The following FETUB variants were observed in gnomAD, a reference collection of about 807,000 sequenced individuals.
FETUB encodes fetuin B.
A neutral mutation model predicts 30.9 loss-of-function variants in FETUB; 28 were observed. That is an observed-to-expected ratio of 0.90 (90% CI 0.67 to 1.24). The LOEUF is 1.24. FETUB is among the 50% of genes most tolerant of loss of function. The probability of loss-of-function intolerance (pLI) is 0.00; values close to 1 mark genes in which losing one functional copy is unlikely to be tolerated. For synonymous variants in FETUB, 186 were observed against 175.9 expected (o/e 1.06, Z -0.45); for missense variants, 469 against 455.3 (o/e 1.03, Z -0.27).
rs1222293492 is a variant in FETUB, at chr3:186,642,561, A to G, written c.424+3A>G. The G allele has an allele frequency of 6.5e-7, 1 of 1,550,218 alleles. No individual in the cohort carries two copies. The highest frequency in any genetic ancestry group is 1.7e-5 in the Admixed American group (1 of 59,206). ...TTATAACTGTACTCTTCGCCCAGGTAAGAAATCACTACGATTTTGTTAGTT... is the reference window on the plus strand; with the variant it reads ...TTATAACTGTACTCTTCGCCCAGGTGAGAAATCACTACGATTTTGTTAGTT... On this transcript the variant is annotated splice_donor_region_variant and intron_variant, in intron 3 of 6. Transcript: ENST00000265029.
chr3:186,651,022 TATTGGAGGCA>T (rs1247109580), intron 5 of FETUB, among the ~76,000 whole-genome samples, 186 bp from the exon 6 acceptor site: 1 of 152,202 alleles, frequency 6.6e-6, no homozygotes, highest in African/African-American at 2.4e-5. Flanking sequence ...AGTTTCTCAT[TATTGGAGGCA>T]ATTTAGCCTA....
At position 186,652,747 on chromosome 3, in the gene FETUB, T is replaced by C. The variant is rs1216630540; in HGVS notation, c.*116T>C. On this transcript the variant is annotated 3_prime_UTR_variant, in exon 7 of 7. Coordinates refer to ENST00000265029, the MANE Select transcript of FETUB (RefSeq NM_014375.3). ...AGAGTGGCTAGTGAAGGACGCCTTTTTGACTCTTCTTGGTCTCAGCATGTT... is the reference window on the plus strand; with the variant it reads ...AGAGTGGCTAGTGAAGGACGCCTTTCTGACTCTTCTTGGTCTCAGCATGTT... 1.6e-6 allele frequency: 2 copies of C among 1,236,070 alleles called. No individual in the cohort carries two copies. The allele number at this position is 1,236,070 out of a possible 1,614,324, so 76.6% of individuals were successfully genotyped here. A position where few individuals can be genotyped will look rare whatever the true frequency, so the allele number is the denominator to read the frequency against.
chr3:186,645,797 G>A (rs888591938), intron 4 of FETUB, among the ~76,000 whole-genome samples: 1 of 142,026 alleles, frequency 7.0e-6, no homozygotes, highest in Admixed American at 7.6e-5. Flanking sequence ...CGCGATCTTG[G>A]CTCACTGCAA....
chr3:186,644,070 G>A (rs915851131), intron 3 of FETUB, among the ~76,000 whole-genome samples: 3 of 151,956 alleles, frequency 2.0e-5, no homozygotes, highest in South Asian at 2.1e-4. Flanking sequence ...TATTGTGATC[G>A]GATTAGGTTA....
chr3:186,643,680 G>T, intron 3 of FETUB, among the ~76,000 whole-genome samples: 1 of 152,214 alleles, frequency 6.6e-6, no homozygotes, highest in East Asian at 1.9e-4. Flanking sequence ...GCTATGGGAG[G>T]TCAGGAAGTG....
intron 5 of FETUB, among the ~76,000 whole-genome samples, chr3:186,647,407 C>G (rs979912593): frequency 2.0e-5 from 3 of 152,148 alleles, no homozygotes; most frequent in Admixed American, 1.3e-4. Flanking sequence ...AACCCTTTCA[C>G]TGCTATACTG....
chr3:186,641,374 C>T lies in FETUB; in HGVS notation c.336+234C>T, dbSNP rs2108516231. 9.4e-6 allele frequency: 4 copies of T among 424,798 alleles called. No homozygotes were observed. The South Asian group carries it at 1.3e-4, about 13-fold the overall frequency. The allele number at this position is 424,798 out of a possible 1,614,324, so 26.3% of individuals were successfully genotyped here. A position where few individuals can be genotyped will look rare whatever the true frequency, so the allele number is the denominator to read the frequency against. On this transcript the variant is annotated intron_variant, in intron 2 of 6. Coordinates refer to ENST00000265029, the MANE Select transcript of FETUB (RefSeq NM_014375.3). Reference sequence around the variant, plus strand: ...CATGCAGAACAGAATGGAAAAGTTGCCCCAAGTTGTGTTTTTACCTCCAAG... The same window carrying T: ...CATGCAGAACAGAATGGAAAAGTTGTCCCAAGTTGTGTTTTTACCTCCAAG...
At chr3:186,646,370 T>C in intron 5 of FETUB, 21 bp downstream of exon 5, 1 of 1,543,596 alleles carries the variant, frequency 6.5e-7, no homozygotes, top group Non-Finnish European at 9.0e-7. Context: ...CTGAATGTCT[T>C]CATAATTTGA....
At chr3:186,646,444 T>C in intron 5 of FETUB, 95 bp downstream of exon 5, 2 of 907,442 alleles carry the variant, frequency 2.2e-6, no homozygotes, top group East Asian at 2.4e-5. Flanking sequence ...TCATAAGGCA[T>C]GAGATGCTTT....
In FETUB at chr3:186,652,610, C is replaced by T. The variant is rs1718157239; in HGVS notation, c.1128C>T (p.Ser376=). ...GCCCAGGGCCAGCCCAGAATGCCAG[C>T]CCTCTTGTCCTTCCGCCATGAGAAT... The part of the protein sequence containing the change: ...AECPGPAQNA[S]PLVLPP Residue 376 remains serine, a synonymous_variant, in exon 7 of 7, where the codon AGC becomes AGT. Coordinates refer to ENST00000265029, the MANE Select transcript of FETUB (RefSeq NM_014375.3). 2 of 1,607,206 alleles carry T rather than the reference C, an allele frequency of 1.2e-6. No individual in the cohort carries two copies. The highest frequency in any genetic ancestry group is 1.7e-6 in the Non-Finnish European group (2 of 1,177,696).
At chr3:186,637,367 G>A (rs575402229), upstream of FETUB, among the ~76,000 whole-genome samples, 102 of 152,268 alleles carry the variant, frequency 6.7e-4, no homozygotes, top group African/African-American at 2.0e-3. Flanking sequence ...CATGGCTGCC[G>A]TCCAGTTTTG....
At chr3:186,646,115 G>A (rs756762828) in intron 4 of FETUB, 133 bp from the exon 5 acceptor site, 130 of 645,286 alleles carry the variant, frequency 2.0e-4, no homozygotes, top group Middle Eastern at 1.3e-3. Context: ...GGGGATTTGC[G>A]GAACAACAGA....
chr3:186,649,845 A>G (rs932876939), intron 5 of FETUB, among the ~76,000 whole-genome samples: 3 of 152,124 alleles, frequency 2.0e-5, no homozygotes, highest in Non-Finnish European at 4.4e-5. Context: ...CTTTGTGTCC[A>G]TGTATACCCT....
chr3:186,640,265 G>C (rs986302459), upstream of FETUB: 10 of 601,238 alleles, frequency 1.7e-5, no homozygotes, highest in Non-Finnish European at 3.0e-5. Context: ...GTTGCTCAAG[G>C]GTCTAAGGTT....
intron 3 of FETUB, among the ~76,000 whole-genome samples, chr3:186,644,415 C>T (rs1362115346): frequency 1.3e-5 from 2 of 152,140 alleles, no homozygotes; most frequent in Non-Finnish European, 2.9e-5. Context: ...AATGAAATCC[C>T]AATCTCTGAA....
At position 186,644,818 on chromosome 3, in the gene FETUB, T is replaced by A. The variant is rs948491606; in HGVS notation, c.492T>A (p.Asn164Lys). Residue 164 changes from asparagine to lysine, a missense_variant, in exon 4 of 7, where the codon AAT (asparagine) becomes AAA (lysine). By Grantham distance (94) the Asn-to-Lys change is moderately conservative. Transcript: ENST00000265029. ...CPSSIPTDSS[N>K]HQVLEAATES... ...GCTCCATACCCACTGACTCTTCCAA[T>A]CACCAAGTGCTGGAGGCTGCCACCG... 6.2e-7 allele frequency: 1 copy of A among 1,613,772 alleles called. No individual in the cohort carries two copies. Among genetic ancestry groups the A allele is most frequent in the Non-Finnish European group, 8.5e-7 (1 of 1,179,960 alleles).
chr3:186,648,925 A>T (rs1441478494), intron 5 of FETUB, among the ~76,000 whole-genome samples: 1 of 152,196 alleles, frequency 6.6e-6, no homozygotes, highest in Non-Finnish European at 1.5e-5. Flanking sequence ...CTATATGATC[A>T]TGTCACCTGA....
rs749495217 is a variant in FETUB, at chr3:186,644,890, T to A, written c.564T>A (p.Ser188=). The change falls in exon 4 of 7, where the codon TCT becomes TCA. Residue 188 remains serine (S), a synonymous_variant. Transcript: ENST00000265029. ...ATGAGAACACATCCAAGCAGTATTC[T>A]CTCTTCAAAGTCACCAGGGCTTCTA... ...YNNENTSKQY[S]LFKVTRASSQ... is the part of the protein sequence containing the mutation. The A allele has an allele frequency of 6.2e-7, 1 of 1,613,610 alleles. No individual in the cohort carries two copies. Among genetic ancestry groups the A allele is most frequent in the Non-Finnish European group, 8.5e-7 (1 of 1,179,876 alleles).
upstream of FETUB, among the ~76,000 whole-genome samples, chr3:186,638,292 T>C (rs1444944374): frequency 1.3e-5 from 2 of 152,204 alleles, no homozygotes; most frequent in Non-Finnish European, 2.9e-5. Flanking sequence ...GTTGTTCCCA[T>C]ATGTGATGGG....
Sources: gnomAD v4.1 joint callset for allele counts (sites outside exome capture counted in the v4.1 genomes callset) on GRCh38, gnomAD v4.1.1 for gene constraint, MANE v1.5 for transcripts, NCBI Gene and HGNC (gene_info 2026-07-23, HGNC 2026-07-21) for gene names.